The following COL13A1 variants were observed in gnomAD, a reference collection of about 807,000 sequenced individuals.
The protein encoded by COL13A1 is collagen alpha-1(XIII) chain.
A neutral mutation model predicts 130.9 loss-of-function variants in COL13A1; 89 were observed. The observed-to-expected ratio is 0.68, with a 90% confidence interval of 0.57 to 0.81. The LOEUF is 0.81. Among genes scored for constraint, COL13A1 ranks in the 30% least tolerant of loss-of-function variants. The pLI is 0.00. For missense variants in COL13A1, 879 were observed against 934.6 expected, an observed-to-expected ratio of 0.94 and a Z score of 0.78; for synonymous variants, 402 against 341.6, an observed-to-expected ratio of 1.18 and a Z score of -1.95.
chr10:69,878,371 C>T (rs1357204929), intron 6 of COL13A1, among the ~76,000 whole-genome samples: 1 of 152,186 alleles, frequency 6.6e-6, no homozygotes, highest in Non-Finnish European at 1.5e-5. Context: ...GCTGGAACTG[C>T]CCAGGGGGAC....
chr10:69,867,264 T>C (rs905525647), intron 2 of COL13A1, among the ~76,000 whole-genome samples: 2 of 152,174 alleles, frequency 1.3e-5, no homozygotes, highest in Admixed American at 6.5e-5. Context: ...GTGAAGTGCC[T>C]AACTCACTGC....
intron 17 of COL13A1, among the ~76,000 whole-genome samples, chr10:69,907,928 T>C (rs2062958564): frequency 6.6e-6 from 1 of 152,232 alleles, no homozygotes; most frequent in Non-Finnish European, 1.5e-5. Context: ...TCAACACTGT[T>C]GCATTGGGGA....
intron 17 of COL13A1, among the ~76,000 whole-genome samples, chr10:69,912,279 C>A (rs1461866447): frequency 2.0e-5 from 3 of 152,180 alleles, no homozygotes; most frequent in East Asian, 1.9e-4. Context: ...AAAGCCCTGG[C>A]CTTCAATGGG....
At chr10:69,824,553 C>A (rs1847014923) in intron 2 of COL13A1, among the ~76,000 whole-genome samples, 1 of 152,142 alleles carries the variant, frequency 6.6e-6, no homozygotes, top group Non-Finnish European at 1.5e-5. Flanking sequence ...CTTCTCCCTG[C>A]CTGCTGGGAG....
chr10:69,830,856 C>T (rs1848655629), intron 2 of COL13A1, among the ~76,000 whole-genome samples: 1 of 152,116 alleles, frequency 6.6e-6, no homozygotes, highest in Non-Finnish European at 1.5e-5. Flanking sequence ...TTTATCGTCC[C>T]AAAAAAGAAA....
At chr10:69,876,618 G>T (rs1373616489) in intron 5 of COL13A1, among the ~76,000 whole-genome samples, 1 of 152,190 alleles carries the variant, frequency 6.6e-6, no homozygotes, top group Non-Finnish European at 1.5e-5. Flanking sequence ...TCCAGATCCT[G>T]AGTCCTCCCA....
chr10:69,957,691 C>T (rs574840675), intron 40 of COL13A1, among the ~76,000 whole-genome samples: 79 of 152,320 alleles, frequency 5.2e-4, no homozygotes, highest in Admixed American at 1.2e-3. Context: ...AACCATGGCT[C>T]CCCAGAGCAC....
chr10:69,810,347 T>TGAGAGAGA (rs55816117), intron 1 of COL13A1, among the ~76,000 whole-genome samples: 33 of 119,774 alleles, frequency 2.8e-4, no homozygotes, highest in East Asian at 5.1e-4. Context: ...GCCCTGAGAA[T>TGAGAGAGA]GAGAGAGAGA....
Position 69,873,766 on chromosome 10 carries a change from G to C in COL13A1, c.400-1362G>C, listed in dbSNP as rs191199102. 1.1e-3 allele frequency among the ~76,000 whole-genome samples: 174 copies of C among 152,324 alleles called. No individual in the cohort carries two copies. In the South Asian group the frequency reaches 0.02, roughly 18 times the overall value. On this transcript the variant is annotated intron_variant, in intron 4 of 40. Transcript: ENST00000645393. The stretch of plus-strand genomic sequence containing the variant: ...CGGATCCACGGGTCATGGTCTTGTT[G>C]ATGCTTCCGTGTGAAGGGTCCTAGG...
intron 31 of COL13A1, 53 bp downstream of exon 31, chr10:69,932,657 T>C: frequency 8.4e-7 from 1 of 1,189,724 alleles, no homozygotes; most frequent in Non-Finnish European, 1.2e-6. Flanking sequence ...CTCTGCAGCA[T>C]GCACAGTATT....
chr10:69,810,779 G>C (rs537676905), intron 1 of COL13A1, among the ~76,000 whole-genome samples: 1 of 152,288 alleles, frequency 6.6e-6, no homozygotes, highest in South Asian at 2.1e-4. Flanking sequence ...GGTGTTGTCT[G>C]GGCCACTGGC....
intron 2 of COL13A1, among the ~76,000 whole-genome samples, chr10:69,845,851 A>C (rs1472207128): frequency 4.6e-5 from 7 of 152,280 alleles, no homozygotes; most frequent in Non-Finnish European, 4.4e-5. Context: ...TGCATTTAGC[A>C]ATCCAGGTAA....
At chr10:69,916,886 C>T (rs1010065796) in intron 17 of COL13A1, among the ~76,000 whole-genome samples, 1 of 152,164 alleles carries the variant, frequency 6.6e-6, no homozygotes, top group Non-Finnish European at 1.5e-5. Context: ...GGCAAGAAGT[C>T]CCAGGCAGGG....
intron 1 of COL13A1, among the ~76,000 whole-genome samples, chr10:69,808,331 C>T (rs1182648480): frequency 2.6e-5 from 4 of 152,226 alleles, no homozygotes; most frequent in East Asian, 1.9e-4. Context: ...AAAGCCTCCT[C>T]GAACCACTCC....
chr10:69,925,351 T>C (rs560142144), intron 25 of COL13A1, among the ~76,000 whole-genome samples: 1 of 152,356 alleles, frequency 6.6e-6, no homozygotes, highest in African/African-American at 2.4e-5. Context: ...TGGGGATATT[T>C]AACCTTTTAT....
intron 17 of COL13A1, 116 bp downstream of exon 17, chr10:69,905,938 G>A: frequency 8.6e-7 from 1 of 1,168,422 alleles, no homozygotes; most frequent in Non-Finnish European, 1.2e-6. Context: ...TGCCTGTAGT[G>A]AGGCAGGCCA....
rs145981090 is a variant in COL13A1, at chr10:69,829,042, C to T, written c.364+6604C>T. ...TGCCATCTCCGCCTGGATCCTCAAA[C>T]GGCACACAATGAAAGCCAGCACCTT... is the stretch of plus-strand genomic sequence containing the variant. On this transcript the variant is annotated intron_variant, in intron 2 of 40. Transcript: ENST00000645393. 9.5e-4 allele frequency among the ~76,000 whole-genome samples: 145 copies of T among 152,260 alleles called. 1 individual carries two copies. Among genetic ancestry groups the T allele is most frequent in the African/African-American group, 2.3e-3 (96 of 41,538 alleles).
intron 7 of COL13A1, among the ~76,000 whole-genome samples, chr10:69,886,503 G>A (rs969676117): frequency 1.3e-5 from 2 of 152,242 alleles, no homozygotes; most frequent in South Asian, 2.1e-4. Context: ...GGTGGTGAAC[G>A]GCGGGTGAGC....
intron 2 of COL13A1, among the ~76,000 whole-genome samples, chr10:69,849,562 T>C (rs1263503833): frequency 1.3e-5 from 2 of 152,244 alleles, no homozygotes; most frequent in African/African-American, 4.8e-5. Flanking sequence ...ATCTCCTTTT[T>C]ATCTTAGCCC....
Sources: allele counts gnomAD v4.1 joint callset (sites outside exome capture counted in the v4.1 genomes callset), GRCh38; gene constraint gnomAD v4.1.1; transcripts MANE v1.5; gene names NCBI Gene and HGNC (gene_info 2026-07-23, HGNC 2026-07-21).